The following SPIRE1 variants were observed in gnomAD, a reference collection of about 807,000 sequenced individuals.
SPIRE1 encodes the protein protein spire homolog 1.
A neutral mutation model predicts 94.1 loss-of-function variants in SPIRE1; 40 were observed. The observed-to-expected ratio is 0.43, with a 90% CI of 0.33 to 0.55. SPIRE1 has a LOEUF of 0.55. Among genes scored for constraint, SPIRE1 ranks in the 20% least tolerant of loss-of-function variants. SPIRE1 has a pLI of 0.06. For synonymous variants in SPIRE1, 376 were observed against 371.7 expected, an observed-to-expected ratio of 1.01 and a Z score of -0.13; for missense variants, 838 against 975.2, an observed-to-expected ratio of 0.86 and a Z score of 1.87.
In SPIRE1 at chr18:12,449,905, A is replaced by G; in HGVS notation, c.2013-9T>C. 1 of 1,611,494 alleles carries G rather than the reference A, an allele frequency of 6.2e-7. No individual in the cohort carries two copies. Among genetic ancestry groups the G allele is most frequent in the East Asian group, 2.2e-5 (1 of 44,836 alleles). ...TAGATTTTGAGGAGAACCTGGGGTG[A>G]AAACAAAACAGAAGCCCAGCATTGT... On this transcript the variant is annotated splice_polypyrimidine_tract_variant and intron_variant, in intron 16 of 16. Transcript: ENST00000409402.
chr18:12,563,615 A>C (rs2035745327), intron 2 of SPIRE1, among the ~76,000 whole-genome samples: 2 of 152,220 alleles, frequency 1.3e-5, no homozygotes, highest in African/African-American at 4.8e-5. Context: ...TCTTCTAAAA[A>C]TAGTTGTGAT....
intron 5 of SPIRE1, among the ~76,000 whole-genome samples, chr18:12,507,599 T>C (rs1355257924): frequency 1.3e-5 from 2 of 151,726 alleles, no homozygotes; most frequent in Non-Finnish European, 2.9e-5. Flanking sequence ...CTCAGGAGGC[T>C]GAGGTAGGAG....
chr18:12,610,693 T>C (rs1301455270), intron 2 of SPIRE1, among the ~76,000 whole-genome samples: 3 of 152,156 alleles, frequency 2.0e-5, no homozygotes, highest in African/African-American at 7.2e-5. Context: ...GGGTCATTAA[T>C]GCTCCCCCCA....
At position 12,449,187 on chromosome 18, in the gene SPIRE1, G is replaced by C; in HGVS notation, c.*451C>G. The C allele has an allele frequency of 6.2e-6, 1 of 161,774 alleles. No homozygotes were observed. Among genetic ancestry groups the C allele is most frequent in the South Asian group, 1.8e-4 (1 of 5,628 alleles). The allele number at this position is 161,774 out of a possible 1,614,324, so 10.0% of individuals were successfully genotyped here. A position where few individuals can be genotyped will look rare whatever the true frequency, so the allele number is the denominator to read the frequency against. On this transcript the variant is annotated 3_prime_UTR_variant, in exon 17 of 17. Coordinates refer to ENST00000409402, the MANE Select transcript of SPIRE1 (RefSeq NM_001128626.2). ...CCCAGGTCGTGGAGTGTAGGGCTCT[G>C]GATCTCTCTGTACACGGGATAGAAA...
chr18:12,482,533 T>A (rs2032881702), intron 9 of SPIRE1, among the ~76,000 whole-genome samples: 1 of 152,234 alleles, frequency 6.6e-6, no homozygotes, highest in South Asian at 2.1e-4. Flanking sequence ...TCCATGATTT[T>A]ATTGCTTAAG....
At chr18:12,457,783 T>C (rs895264845) in intron 12 of SPIRE1, among the ~76,000 whole-genome samples, 2 of 151,960 alleles carry the variant, frequency 1.3e-5, no homozygotes, top group Admixed American at 1.3e-4. Flanking sequence ...GACAGCATAA[T>C]GTAAAATTTT....
At chr18:12,618,599 T>C (rs1472303791) in intron 2 of SPIRE1, among the ~76,000 whole-genome samples, 2 of 152,142 alleles carry the variant, frequency 1.3e-5, no homozygotes, top group African/African-American at 4.8e-5. Flanking sequence ...TTCTAGAATG[T>C]TGCTCTTCTA....
chr18:12,633,988 C>T (rs1247784504), intron 2 of SPIRE1, among the ~76,000 whole-genome samples: 1 of 152,178 alleles, frequency 6.6e-6, no homozygotes, highest in Non-Finnish European at 1.5e-5. Flanking sequence ...GTGGCTCATG[C>T]CTGTAATCCC....
At chr18:12,454,679 CAT>C (rs1330527938) in intron 12 of SPIRE1, among the ~76,000 whole-genome samples, 196 bp from the exon 13 acceptor site, 6 of 152,150 alleles carry the variant, frequency 3.9e-5, no homozygotes, top group East Asian at 1.9e-4. Context: ...TGGCAGAAAA[CAT>C]GTGGGGACCA....
chr18:12,627,121 T>C (rs1031350158), intron 2 of SPIRE1, among the ~76,000 whole-genome samples: 6 of 152,042 alleles, frequency 3.9e-5, no homozygotes, highest in African/African-American at 1.4e-4. Flanking sequence ...ATGCGCACAA[T>C]GTGCAGGTTT....
At chr18:12,635,405 C>T (rs1041933643) in intron 1 of SPIRE1, among the ~76,000 whole-genome samples, 2 of 152,088 alleles carry the variant, frequency 1.3e-5, no homozygotes, top group African/African-American at 4.8e-5. Flanking sequence ...GAAAGTCTTG[C>T]TTTCTTTTAA....
rs75873551 is a variant in SPIRE1 at position 12,605,868 on chromosome 18, C to T, written c.372+29194G>A. On this transcript the variant is annotated intron_variant, in intron 2 of 16. Coordinates refer to ENST00000409402, the MANE Select transcript of SPIRE1 (RefSeq NM_001128626.2). ...TTACTGTACCCAATGGGGCCCTACA[C>T]GACCTAGCTCCCTGCTGCTTGGCCT... 7.6e-3 allele frequency among the ~76,000 whole-genome samples: 1,158 copies of T among 152,276 alleles called. 14 individuals are homozygous for T. The highest frequency in any genetic ancestry group is 0.026 in the African/African-American group (1,085 of 41,554).
intron 2 of SPIRE1, among the ~76,000 whole-genome samples, chr18:12,634,266 A>AT (rs2037861934): frequency 2.9e-5 from 4 of 136,750 alleles, no homozygotes; most frequent in South Asian, 2.4e-4. Flanking sequence ...AATAAAAAAA[A>AT]AAAAAAATAA....
chr18:12,546,541 C>T, intron 3 of SPIRE1, 133 bp downstream of exon 3: 1 of 696,612 alleles, frequency 1.4e-6, no homozygotes, highest in South Asian at 1.7e-5. Flanking sequence ...GCAGAGGCTA[C>T]AGTGAGCCAT....
At chr18:12,452,441 T>C (rs2031292116) in intron 15 of SPIRE1, 44 bp downstream of exon 15, 1 of 1,613,950 alleles carries the variant, frequency 6.2e-7, no homozygotes, top group Non-Finnish European at 8.5e-7. Flanking sequence ...AAAGAGGCAG[T>C]CACTAAAAGG....
Position 12,625,972 on chromosome 18 carries a change from G to A in SPIRE1, c.372+9090C>T, listed in dbSNP as rs567054522. Among the ~76,000 whole-genome samples, 380 of 152,120 alleles carry A rather than the reference G, an allele frequency of 2.5e-3. 3 individuals are homozygous for A. Among genetic ancestry groups the A allele is most frequent in the South Asian group, 0.014 (68 of 4,808 alleles). ...TTGAACCCAGGAGGCAGATGTTACAGTGAGCTGAGATCACACCACTGCACT... is the reference window on the plus strand; with the variant it reads ...TTGAACCCAGGAGGCAGATGTTACAATGAGCTGAGATCACACCACTGCACT... On this transcript the variant is annotated intron_variant, in intron 2 of 16. Coordinates refer to ENST00000409402, the MANE Select transcript of SPIRE1 (RefSeq NM_001128626.2).
chr18:12,468,977 TC>T (rs891257165), intron 10 of SPIRE1, among the ~76,000 whole-genome samples: 3 of 151,988 alleles, frequency 2.0e-5, no homozygotes, highest in African/African-American at 7.2e-5. Context: ...GGCAGGAGAA[TC>T]CCCTGAGACC....
At chr18:12,635,192 T>C in intron 1 of SPIRE1, 96 bp from the exon 2 acceptor site, 1 of 645,952 alleles carries the variant, frequency 1.5e-6, no homozygotes, top group Non-Finnish European at 2.7e-6. Flanking sequence ...GGCTTTATTA[T>C]GTCTATGAGA....
At chr18:12,487,618 T>A (rs2143822334) in intron 8 of SPIRE1, among the ~76,000 whole-genome samples, 1 of 151,982 alleles carries the variant, frequency 6.6e-6, no homozygotes, top group Non-Finnish European at 1.5e-5. Context: ...GGTCTTGAAC[T>A]CCTGACCTTG....
Sources: allele counts gnomAD v4.1 joint callset (sites outside exome capture counted in the v4.1 genomes callset), GRCh38; gene constraint gnomAD v4.1.1; transcripts MANE v1.5; gene names NCBI Gene and HGNC (gene_info 2026-07-23, HGNC 2026-07-21).